UHRF1: variants seen among roughly 807,000 people sequenced by gnomAD.
UHRF1 encodes E3 ubiquitin-protein ligase UHRF1.
A neutral mutation model predicts 96.5 loss-of-function variants in UHRF1; 9 were observed. The observed-to-expected ratio is 0.09, with a 90% CI of 0.06 to 0.16. The LOEUF is 0.16. UHRF1 is among the 10% of genes least tolerant of loss of function. The probability of loss-of-function intolerance (pLI) is 1.00; values close to 1 mark genes in which losing one functional copy is unlikely to be tolerated. For missense variants in UHRF1, 626 were observed against 1,131.1 expected (o/e 0.55, Z 6.40); for synonymous variants, 455 against 469.9 (o/e 0.97, Z 0.41).
In UHRF1 at chr19:4,930,679, C is replaced by A. The variant is rs563295522; in HGVS notation, c.409-37C>A. ...GGTGGTCTCCCGTCAGTTTTCCTCACCCCGTTGGGATGCCAGACTTCCCTC... is the reference window on the plus strand; with the variant it reads ...GGTGGTCTCCCGTCAGTTTTCCTCAACCCGTTGGGATGCCAGACTTCCCTC... On this transcript the variant is annotated intron_variant, in intron 3 of 16. Coordinates refer to ENST00000650932, the MANE Select transcript of UHRF1 (RefSeq NM_001048201.3). This position sits in a 1 kb window ranked among gnomAD's most constrained non-coding sequence, Gnocchi z 4.4. The A allele has an allele frequency of 2.2e-5, 35 of 1,603,960 alleles. No homozygotes were observed. The East Asian group carries it at 2.2e-4, about 10-fold the overall frequency.
chr19:4,906,409 C>T (rs2032065502), upstream of UHRF1, among the ~76,000 whole-genome samples: 3 of 152,206 alleles, frequency 2.0e-5, no homozygotes, highest in South Asian at 6.2e-4. Flanking sequence ...TGACACTTAA[C>T]TTCCATTATC....
upstream of UHRF1, chr19:4,909,492 A>G (rs1267097846): frequency 3.1e-6 from 2 of 654,510 alleles, no homozygotes; most frequent in Non-Finnish European, 5.5e-6. Flanking sequence ...TTTTCGCGGG[A>G]AAAAAATCAG....
chr19:4,948,700 G>A (rs954860044), intron 11 of UHRF1, among the ~76,000 whole-genome samples: 1 of 152,116 alleles, frequency 6.6e-6, no homozygotes, highest in African/African-American at 2.4e-5. Context: ...TACTTGGGAG[G>A]CTGAGGCAGA....
intron 16 of UHRF1, among the ~76,000 whole-genome samples, chr19:4,959,883 C>G (rs1032273451): frequency 3.3e-5 from 5 of 152,128 alleles, no homozygotes; most frequent in African/African-American, 1.2e-4. Context: ...CTTTGAGACG[C>G]AGAGTCTTGC....
intron 9 of UHRF1, 21 bp downstream of exon 9, chr19:4,944,471 C>A: frequency 6.2e-7 from 1 of 1,613,022 alleles, no homozygotes; most frequent in Non-Finnish European, 8.5e-7. Flanking sequence ...CGTCCCGGGG[C>A]TCCAGGGGCC....
intron 10 of UHRF1, among the ~76,000 whole-genome samples, 159 bp from the exon 11 acceptor site, chr19:4,946,946 A>G (rs1315761195): frequency 6.6e-6 from 1 of 152,016 alleles, no homozygotes; most frequent in Non-Finnish European, 1.5e-5. Context: ...AGTCCCACCA[A>G]CAGTTTACAA....
intron 10 of UHRF1, 52 bp from the exon 11 acceptor site, chr19:4,947,050 CTTT>C (rs374695577): frequency 1.4e-3 from 1,629 of 1,144,632 alleles, no homozygotes; most frequent in Non-Finnish European, 1.5e-3. Flanking sequence ...AATGCAGTCT[CTTT>C]TTTTTTTTTT....
intron 11 of UHRF1, among the ~76,000 whole-genome samples, chr19:4,948,339 C>T (rs542137858): frequency 6.6e-6 from 1 of 152,176 alleles, no homozygotes; most frequent in South Asian, 2.1e-4. Context: ...GCATAAAAAC[C>T]ATCATAAAGC....
intron 13 of UHRF1, among the ~76,000 whole-genome samples, chr19:4,951,238 C>T (rs1236036889): frequency 6.6e-6 from 1 of 152,160 alleles, no homozygotes; most frequent in African/African-American, 2.4e-5. Flanking sequence ...TGCACTGCAG[C>T]CTGGGTGACA....
rs1176265037 is a variant in UHRF1 at position 4,949,087 on chromosome 19, A to G, written c.1518-1524A>G. ...GAGGCGGAGCTTGCAGTGAGCCAAG[A>G]TTGCTCCACTGCACTCCAGCCTGGG... On this transcript the variant is annotated intron_variant, in intron 11 of 16. Coordinates refer to ENST00000650932, the MANE Select transcript of UHRF1 (RefSeq NM_001048201.3). 5.9e-5 allele frequency among the ~76,000 whole-genome samples: 9 copies of G among 151,458 alleles called. No individual in the cohort carries two copies. The East Asian group carries it at 1.8e-3, about 29-fold the overall frequency.
At chr19:4,921,283 T>C (rs2146309174) in intron 2 of UHRF1, among the ~76,000 whole-genome samples, 1 of 148,964 alleles carries the variant, frequency 6.7e-6, no homozygotes, top group East Asian at 2.0e-4. Flanking sequence ...CTACTAAAAA[T>C]ACAAAATTAG....
upstream of UHRF1, among the ~76,000 whole-genome samples, chr19:4,907,774 G>A (rs563730249): frequency 4.3e-5 from 6 of 139,768 alleles, no homozygotes; most frequent in East Asian, 2.2e-4. Context: ...GTGCAATGGC[G>A]CGATCTTGGC....
chr19:4,909,600 C>T lies in UHRF1; in HGVS notation c.-66C>T, dbSNP rs1445755402. On this transcript the variant is annotated 5_prime_UTR_variant, in exon 1 of 17. Transcript: ENST00000650932. Reference sequence around the variant, plus strand: ...CGGGCCACGCACGCGGTTTCATCGCCATCCCCAGCCGGGCCACGCGCGCAG... The same window carrying T: ...CGGGCCACGCACGCGGTTTCATCGCTATCCCCAGCCGGGCCACGCGCGCAG... The T allele has an allele frequency of 1.6e-6, 1 of 643,218 alleles. No individual in the cohort carries two copies. The highest frequency in any genetic ancestry group is 2.5e-5 in the Admixed American group (1 of 40,600). The allele number at this position is 643,218 out of a possible 1,614,324, so 39.8% of individuals were successfully genotyped here. A position where few individuals can be genotyped will look rare whatever the true frequency, so the allele number is the denominator to read the frequency against.
intron 5 of UHRF1, among the ~76,000 whole-genome samples, chr19:4,938,123 C>T (rs1272696489): frequency 6.6e-6 from 1 of 151,356 alleles, no homozygotes; most frequent in Non-Finnish European, 1.5e-5. Flanking sequence ...CATTGCACTC[C>T]AGCCTGGATG....
chr19:4,919,844 T>C (rs927055527), intron 2 of UHRF1, among the ~76,000 whole-genome samples: 1 of 151,150 alleles, frequency 6.6e-6, no homozygotes, highest in Non-Finnish European at 1.5e-5. Flanking sequence ...TGAGACAGAG[T>C]TTTGCTCTTG....
In UHRF1 at chr19:4,944,372, A is replaced by T; in HGVS notation, c.1227A>T (p.Glu409Asp). 6.2e-7 allele frequency: 1 copy of T among 1,614,022 alleles called. No individual in the cohort carries two copies. The highest frequency in any genetic ancestry group is 1.1e-5 in the South Asian group (1 of 91,088). The stretch of plus-strand genomic sequence containing the variant: ...TGGCCTGTGTGGGCCGCACCAAGGA[A>T]TGTACCATCGTCCCGTCCAACCACT... ...KGMACVGRTK[E>D]CTIVPSNHYG... The change falls in exon 9 of 17, where the codon GAA becomes GAT. Residue 409 changes from glutamate (E) to aspartate (D), a missense_variant. This residue lies in a region of UHRF1 where 69 missense variants were observed against 159.8 expected (regional missense o/e 0.43). Transcript: ENST00000650932.
At chr19:4,940,174 C>G (rs909621421) in intron 5 of UHRF1, among the ~76,000 whole-genome samples, 1 of 151,944 alleles carries the variant, frequency 6.6e-6, no homozygotes, top group Non-Finnish European at 1.5e-5. Flanking sequence ...TTACTTCCAC[C>G]TATGTTTACC....
rs1043466962 is a variant in UHRF1 at position 4,936,997 on chromosome 19, C to G, written c.785+4041C>G. Among the ~76,000 whole-genome samples, 13 of 152,136 alleles carry G rather than the reference C, an allele frequency of 8.5e-5. No homozygotes were observed. In the East Asian group the frequency reaches 2.5e-3, roughly 29 times the overall value. On this transcript the variant is annotated intron_variant, in intron 5 of 16. Coordinates refer to ENST00000650932, the MANE Select transcript of UHRF1 (RefSeq NM_001048201.3). ...ACCCCTTTTATAGCCAAACCCACCTCCCCATCCCCACCTGGTCCCTGACCC... is the reference window on the plus strand; with the variant it reads ...ACCCCTTTTATAGCCAAACCCACCTGCCCATCCCCACCTGGTCCCTGACCC...
chr19:4,908,807 A>G (rs1568402877), upstream of UHRF1, among the ~76,000 whole-genome samples: 1 of 152,154 alleles, frequency 6.6e-6, no homozygotes, highest in African/African-American at 2.4e-5. Flanking sequence ...TCTGCCATGT[A>G]CACCGCTGGG....
Sources: gnomAD v4.1 joint callset for allele counts (sites outside exome capture counted in the v4.1 genomes callset) on GRCh38, gnomAD v4.1.1 for gene constraint, gnomAD v4.1.1 regional missense constraint, Gnocchi (gnomAD v3.1) non-coding constraint, MANE v1.5 for transcripts, NCBI Gene and HGNC (gene_info 2026-07-23, HGNC 2026-07-21) for gene names.